The following PPP2R2B variants were observed in gnomAD, a reference collection of about 807,000 sequenced individuals.
PPP2R2B encodes protein phosphatase 2 regulatory subunit Bbeta.
Under a neutral mutation model 46.0 loss-of-function variants are expected in PPP2R2B, and 5 were observed. That is an observed-to-expected ratio of 0.11 (90% CI 0.06 to 0.23). The LOEUF (loss-of-function observed/expected upper bound fraction) is 0.23. PPP2R2B is among the 10% of genes least tolerant of loss of function. PPP2R2B has a pLI of 1.00. For synonymous variants in PPP2R2B, 215 were observed against 206.7 expected (o/e 1.04, Z -0.34); for missense variants, 367 against 575.0 (o/e 0.64, Z 3.70).
intron 5 of PPP2R2B, among the ~76,000 whole-genome samples, chr5:146,673,339 T>C (rs1201197317): frequency 6.6e-6 from 1 of 152,192 alleles, no homozygotes; most frequent in Non-Finnish European, 1.5e-5. Context: ...TATCTTAATT[T>C]GCAAACGTTA....
intron 1 of PPP2R2B, among the ~76,000 whole-genome samples, chr5:146,948,423 C>G (rs1196645159): frequency 6.6e-6 from 1 of 152,028 alleles, no homozygotes; most frequent in African/African-American, 2.4e-5. Flanking sequence ...GTCCTTGATA[C>G]TGTTCCTGGA....
intron 1 of PPP2R2B, among the ~76,000 whole-genome samples, chr5:147,024,286 G>T: frequency 6.6e-6 from 1 of 152,020 alleles, no homozygotes. Flanking sequence ...TATATTAAAT[G>T]CAGATTGGCC....
chr5:147,002,171 T>G (rs1754209420), intron 1 of PPP2R2B, among the ~76,000 whole-genome samples: 1 of 152,128 alleles, frequency 6.6e-6, no homozygotes, highest in South Asian at 2.1e-4. Context: ...ATTTCTAGTA[T>G]AAACTCCAGG....
At chr5:146,654,001 T>C (rs1174367753) in intron 5 of PPP2R2B, among the ~76,000 whole-genome samples, 5 of 152,166 alleles carry the variant, frequency 3.3e-5, no homozygotes, top group African/African-American at 1.2e-4. Flanking sequence ...GGAAACCACA[T>C]TGCGACTGTG....
intron 5 of PPP2R2B, among the ~76,000 whole-genome samples, chr5:146,669,011 G>C (rs900324906): frequency 6.6e-6 from 1 of 152,104 alleles, no homozygotes; most frequent in Non-Finnish European, 1.5e-5. Context: ...ATCAAGCTCT[G>C]AGGCTAACAG....
chr5:146,821,952 G>A (rs1378180481), intron 2 of PPP2R2B, among the ~76,000 whole-genome samples: 3 of 152,148 alleles, frequency 2.0e-5, no homozygotes, highest in Non-Finnish European at 4.4e-5. Flanking sequence ...CACTGACAAC[G>A]TAAGTAACTG....
chr5:146,935,800 T>C (rs1764120335), intron 1 of PPP2R2B, among the ~76,000 whole-genome samples: 1 of 152,138 alleles, frequency 6.6e-6, no homozygotes, highest in Non-Finnish European at 1.5e-5. Flanking sequence ...GGAGCATGTC[T>C]TAAAGCTGTG....
chr5:146,906,172 G>A (rs1218516492), intron 1 of PPP2R2B, among the ~76,000 whole-genome samples: 2 of 151,986 alleles, frequency 1.3e-5, no homozygotes, highest in Non-Finnish European at 2.9e-5. Context: ...AAGAATGGAT[G>A]TGAAAAAAGA....
intron 6 of PPP2R2B, among the ~76,000 whole-genome samples, chr5:146,640,637 C>T (rs1775146649): frequency 6.6e-6 from 1 of 152,210 alleles, no homozygotes; most frequent in African/African-American, 2.4e-5. Flanking sequence ...CTGGTGTCAG[C>T]TTTCTCAACC....
intron 2 of PPP2R2B, among the ~76,000 whole-genome samples, chr5:146,873,680 C>T (rs1245186147): frequency 1.3e-5 from 2 of 152,224 alleles, no homozygotes; most frequent in Middle Eastern, 3.4e-3. Flanking sequence ...GTCGCGACCT[C>T]GGCTCACTGC....
At chr5:147,052,428 T>C (rs1369551195) in intron 1 of PPP2R2B, among the ~76,000 whole-genome samples, 1 of 152,168 alleles carries the variant, frequency 6.6e-6, no homozygotes, top group Non-Finnish European at 1.5e-5. Context: ...AGACAGAGAC[T>C]AACAAAACAG....
At chr5:146,704,137 A>C (rs1779696917) in intron 2 of PPP2R2B, among the ~76,000 whole-genome samples, 1 of 152,200 alleles carries the variant, frequency 6.6e-6, no homozygotes, top group African/African-American at 2.4e-5. Flanking sequence ...CCATCTCTGC[A>C]TATCTTCATC....
intron 5 of PPP2R2B, among the ~76,000 whole-genome samples, chr5:146,675,072 C>T (rs537817563): frequency 1.5e-4 from 23 of 152,286 alleles, no homozygotes; most frequent in African/African-American, 4.6e-4. Context: ...AAGTGATTCT[C>T]GCACCTCAGC....
chr5:147,026,848 G>C (rs1259203314), intron 1 of PPP2R2B, among the ~76,000 whole-genome samples: 1 of 152,146 alleles, frequency 6.6e-6, no homozygotes, highest in Non-Finnish European at 1.5e-5. Flanking sequence ...CTGCTGGTGA[G>C]AGTGTAACTA....
chr5:146,677,783 C>T (rs914316604), intron 5 of PPP2R2B, among the ~76,000 whole-genome samples: 1 of 152,154 alleles, frequency 6.6e-6, no homozygotes. Context: ...CCACCCCAGC[C>T]TCCCAAAGTG....
chr5:146,991,143 C>T (rs1753681971), intron 1 of PPP2R2B, among the ~76,000 whole-genome samples: 2 of 151,970 alleles, frequency 1.3e-5, no homozygotes, highest in South Asian at 4.2e-4. Context: ...TTAGTATAGC[C>T]ATTATGGAAA....
At chr5:146,899,063 G>T (rs62373294) in intron 1 of PPP2R2B, among the ~76,000 whole-genome samples, 7 of 151,776 alleles carry the variant, frequency 4.6e-5, no homozygotes, top group Non-Finnish European at 5.9e-5. Flanking sequence ...GAAGTCAGTA[G>T]GGCGATTCCT....
chr5:146,788,649 T>C (rs1755998948), intron 2 of PPP2R2B, among the ~76,000 whole-genome samples: 1 of 152,176 alleles, frequency 6.6e-6, no homozygotes, highest in South Asian at 2.1e-4. Flanking sequence ...GAGAATCCCT[T>C]GAACCCAGGA....
chr5:146,613,906 G>A (rs1382867643), intron 7 of PPP2R2B, among the ~76,000 whole-genome samples: 2,140 of 133,476 alleles, frequency 0.016, 101 homozygotes, highest in Admixed American at 0.065. Flanking sequence ...AATCGATATC[G>A]TGAAAATGGC....
Sources: gnomAD v4.1 joint callset for allele counts (sites outside exome capture counted in the v4.1 genomes callset) on GRCh38, gnomAD v4.1.1 for gene constraint, MANE v1.5 for transcripts, NCBI Gene and HGNC (gene_info 2026-07-23, HGNC 2026-07-21) for gene names.